RYR2: variants seen among roughly 807,000 people sequenced by gnomAD.
The protein encoded by RYR2 is ryanodine receptor 2, also known as cardiac muscle ryanodine receptor-calcium release channel.
Under a neutral mutation model 601.1 loss-of-function variants are expected in RYR2, and 227 were observed. The ratio of observed to expected loss-of-function variants is 0.38; its 90% CI spans 0.34 to 0.42. The LOEUF is 0.42. RYR2 is among the 10% of genes least tolerant of loss of function. RYR2 has a pLI of 1.00. For missense variants in RYR2, 4,646 were observed against 6,156.5 expected, an observed-to-expected ratio of 0.75 and a Z score of 8.21; for synonymous variants, 2,223 against 2,175.1, an observed-to-expected ratio of 1.02 and a Z score of -0.61.
At chr1:237,643,210 G>A (rs765756654) in intron 47 of RYR2, 117 bp from the exon 48 acceptor site, 1 of 1,279,894 alleles carries the variant, frequency 7.8e-7, no homozygotes, top group Non-Finnish European at 1.1e-6. Context: ...ATAACTTTAT[G>A]TATACACTGA....
intron 100 of RYR2, among the ~76,000 whole-genome samples, chr1:237,810,933 T>C (rs1661189294): frequency 6.6e-6 from 1 of 152,188 alleles, no homozygotes; most frequent in African/African-American, 2.4e-5. Flanking sequence ...GGAATATGCA[T>C]AACATTTTTC....
chr1:237,647,285 G>A (rs1037185099), intron 48 of RYR2, among the ~76,000 whole-genome samples: 12 of 152,086 alleles, frequency 7.9e-5, no homozygotes, highest in African/African-American at 1.4e-4. Context: ...GCTAGTTTTC[G>A]TCATTCATTG....
chr1:237,419,146 A>C (rs1043512121), intron 11 of RYR2, among the ~76,000 whole-genome samples: 1 of 152,122 alleles, frequency 6.6e-6, no homozygotes, highest in Non-Finnish European at 1.5e-5. Context: ...AATTGTCACT[A>C]TAAGTGCAGT....
intron 95 of RYR2, among the ~76,000 whole-genome samples, chr1:237,794,493 C>G (rs1040197835): frequency 1.1e-4 from 17 of 152,164 alleles, no homozygotes; most frequent in Admixed American, 8.5e-4. Flanking sequence ...GACAGAAAAA[C>G]AAATGCTTTT....
intron 1 of RYR2, among the ~76,000 whole-genome samples, chr1:237,203,692 A>G (rs558976869): frequency 6.6e-6 from 1 of 152,180 alleles, no homozygotes; most frequent in Non-Finnish European, 1.5e-5. Flanking sequence ...CTGTAGTAAA[A>G]ATTTTTTTTT....
Position 237,042,343 on chromosome 1 carries a change from C to A in RYR2, c.-179C>A, listed in dbSNP as rs994994983. On this transcript the variant is annotated 5_prime_UTR_variant, in exon 1 of 105. Transcript: ENST00000366574. ...CGCGCCTCGACCACCCGCGCCCGAGCGTCCGCGCCTCCTCCTCCGCTCTGC... is the reference window on the plus strand; with the variant it reads ...CGCGCCTCGACCACCCGCGCCCGAGAGTCCGCGCCTCCTCCTCCGCTCTGC... The A allele has an allele frequency of 6.2e-5, 26 of 417,996 alleles. No individual in the cohort carries two copies. The highest frequency in any genetic ancestry group is 8.7e-5 in the Non-Finnish European group (24 of 276,704). The allele number at this position is 417,996 out of a possible 1,614,324, so 25.9% of individuals were successfully genotyped here.
chr1:237,346,367 C>CAAAAAAAAAAAAA (rs397975831), intron 3 of RYR2, among the ~76,000 whole-genome samples: 742 of 62,004 alleles, frequency 0.012, 38 homozygotes, highest in African/African-American at 0.039. Context: ...GGGTCTACCT[C>CAAAAAAAAAAAAA]AAAAAAAAAA....
intron 1 of RYR2, among the ~76,000 whole-genome samples, chr1:237,205,143 G>A (rs1380280316): frequency 6.6e-6 from 1 of 152,180 alleles, no homozygotes; most frequent in Non-Finnish European, 1.5e-5. Context: ...TATTTGCACA[G>A]CAAAATCAAG....
intron 80 of RYR2, among the ~76,000 whole-genome samples, chr1:237,752,832 C>T (rs1285723222): frequency 2.0e-5 from 3 of 152,148 alleles, no homozygotes; most frequent in Non-Finnish European, 4.4e-5. Flanking sequence ...AAAAATATTT[C>T]ATGTTGACTT....
rs143193034 is a variant in RYR2, at chr1:237,546,224, T to A, written c.2907-2207T>A. 5.3e-5 allele frequency among the ~76,000 whole-genome samples: 8 copies of A among 152,300 alleles called. 1 individual carries two copies. In the East Asian group the frequency reaches 1.5e-3, roughly 29 times the overall value. ...TTTTTATTTAAAATGGAACAAAATT[T>A]AATGTCCATAAATTTAACTTATGAA... On this transcript the variant is annotated intron_variant, in intron 25 of 104. Transcript: ENST00000366574.
chr1:237,827,993 G>C (rs138331865), intron 101 of RYR2, among the ~76,000 whole-genome samples: 1 of 146,614 alleles, frequency 6.8e-6, no homozygotes, highest in Non-Finnish European at 1.5e-5. Context: ...CTTCGTTTAA[G>C]TGGTGATGTT....
intron 29 of RYR2, among the ~76,000 whole-genome samples, chr1:237,583,596 T>A (rs1393667254): frequency 6.6e-6 from 1 of 152,234 alleles, no homozygotes; most frequent in Non-Finnish European, 1.5e-5. Flanking sequence ...TGAATTTACA[T>A]CTTCATATAA....
intron 1 of RYR2, among the ~76,000 whole-genome samples, chr1:237,089,255 T>C (rs1027346559): frequency 2.0e-5 from 3 of 152,232 alleles, no homozygotes; most frequent in Admixed American, 6.5e-5. Flanking sequence ...AAAGCTAATA[T>C]CTAGGTAGGC....
chr1:237,687,364 T>TCC (rs1686499261), intron 62 of RYR2, 91 bp from the exon 63 acceptor site: 1 of 521,892 alleles, frequency 1.9e-6, no homozygotes. Flanking sequence ...TTTTTTCTTC[T>TCC]TCTTTTTTTT....
chr1:237,134,270 G>T (rs1251417060), intron 1 of RYR2, among the ~76,000 whole-genome samples: 1 of 151,678 alleles, frequency 6.6e-6, no homozygotes, highest in East Asian at 2.0e-4. Flanking sequence ...TGATTTCTGG[G>T]TGTTCAGTTA....
Position 237,187,232 on chromosome 1 carries a change from G to A in RYR2, c.49-83265G>A, listed in dbSNP as rs9660359. ...GTCGCTCAGGCTGGAGTGCAGTGGC[G>A]TGATCTCAGCTCACTGCGACCTCTG... On this transcript the variant is annotated intron_variant, in intron 1 of 104. Coordinates refer to ENST00000366574, the MANE Select transcript of RYR2 (RefSeq NM_001035.3). Among the ~76,000 whole-genome samples, 579 of 150,318 alleles carry A rather than the reference G, an allele frequency of 3.9e-3. 3 individuals carry two copies. The highest frequency in any genetic ancestry group is 0.013 in the African/African-American group (541 of 40,774).
chr1:237,130,365 G>A (rs1672029748), intron 1 of RYR2, among the ~76,000 whole-genome samples: 1 of 152,162 alleles, frequency 6.6e-6, no homozygotes, highest in Non-Finnish European at 1.5e-5. Context: ...GGAAAAGAGT[G>A]AACTGAAAAT....
chr1:237,627,730 G>T (rs1251240175), intron 40 of RYR2, 77 bp from the exon 41 acceptor site: 1 of 1,421,800 alleles, frequency 7.0e-7, no homozygotes, highest in East Asian at 2.5e-5. Flanking sequence ...TGGGGGTACA[G>T]GATATGGACT....
chr1:237,203,848 C>T (rs572963855), intron 1 of RYR2, among the ~76,000 whole-genome samples: 2 of 152,264 alleles, frequency 1.3e-5, no homozygotes, highest in South Asian at 2.1e-4. Flanking sequence ...TGCCCTATTC[C>T]GTGCAGTCTC....
Sources: allele counts gnomAD v4.1 joint callset (sites outside exome capture counted in the v4.1 genomes callset), GRCh38; gene constraint gnomAD v4.1.1; transcripts MANE v1.5; gene names NCBI Gene and HGNC (gene_info 2026-07-23, HGNC 2026-07-21).